ARHGAP15: variants seen among roughly 807,000 people sequenced by gnomAD.
ARHGAP15 encodes the protein Rho GTPase activating protein 15, also known as rho GTPase-activating protein 15.
Under a neutral mutation model 63.7 loss-of-function variants are expected in ARHGAP15, and 51 were observed. The observed-to-expected ratio is 0.80, with a 90% CI of 0.64 to 1.01. The LOEUF is 1.01. ARHGAP15 is among the 50% of genes least tolerant of loss of function. The probability of loss-of-function intolerance (pLI) is 0.00; values close to 1 mark genes in which losing one functional copy is unlikely to be tolerated. For missense variants in ARHGAP15, 560 were observed against 564.6 expected, an observed-to-expected ratio of 0.99 and a Z score of 0.08; for synonymous variants, 191 against 193.8, an observed-to-expected ratio of 0.99 and a Z score of 0.12.
chr2:143,344,200 G>A (rs1411627248), intron 6 of ARHGAP15: 1 of 152,090 alleles, frequency 6.6e-6, no homozygotes, highest in African/African-American at 2.4e-5. Flanking sequence ...TTGTTTGAAA[G>A]TGGTTAGCGT....
chr2:143,175,630 CA>C (rs1690983492), intron 2 of ARHGAP15, among the ~76,000 whole-genome samples: 1 of 152,164 alleles, frequency 6.6e-6, no homozygotes, highest in Non-Finnish European at 1.5e-5. Context: ...TCACCACTCT[CA>C]TTCTCAGCCA....
rs536435724 is a variant in ARHGAP15 at position 143,329,594 on chromosome 2, C to T, written c.474+78994C>T. Among the ~76,000 whole-genome samples, 40 of 152,250 alleles carry T rather than the reference C, an allele frequency of 2.6e-4. 1 individual carries two copies. The South Asian group carries it at 8.3e-3, about 32-fold the overall frequency. On this transcript the variant is annotated intron_variant, in intron 6 of 13. Transcript: ENST00000295095. ...AGGACCCAGCTCATCTGTGCACAGA[C>T]TTCTAACCCATGGAAACTGTGAAAT...
chr2:143,624,836 AAG>A (rs775883114), intron 12 of ARHGAP15, among the ~76,000 whole-genome samples: 7 of 152,142 alleles, frequency 4.6e-5, no homozygotes, highest in Non-Finnish European at 1.0e-4. Flanking sequence ...GTGACTTTAT[AAG>A]AGAGTGAGTT....
intron 13 of ARHGAP15, among the ~76,000 whole-genome samples, chr2:143,708,510 T>C (rs991806207): frequency 2.0e-5 from 3 of 152,136 alleles, no homozygotes; most frequent in Non-Finnish European, 2.9e-5. Flanking sequence ...AGTGAGACTA[T>C]TTCACATGTT....
In ARHGAP15 at chr2:143,330,129, AAACC is replaced by A. The variant is rs1558898046; in HGVS notation, c.474+79532_474+79535del. Among the ~76,000 whole-genome samples, 68 of 93,806 alleles carry A rather than the reference AAACC, an allele frequency of 7.2e-4. 8 individuals carry two copies. Among genetic ancestry groups the A allele is most frequent in the Non-Finnish European group, 8.4e-4 (38 of 45,506 alleles). The allele number at this position is 93,806 out of a possible 152,430, so 61.5% of individuals were successfully genotyped here. Reference sequence around the variant, plus strand: ...AAAAAAAAAAAAAAAAAAAAAAAAAAAACCAAAAACAAAAAACTAAACTAATGAT... The same window carrying A: ...AAAAAAAAAAAAAAAAAAAAAAAAAAAAAAACAAAAAACTAAACTAATGAT... On this transcript the variant is annotated intron_variant, in intron 6 of 13. Coordinates refer to ENST00000295095, the MANE Select transcript of ARHGAP15 (RefSeq NM_018460.4).
rs576167775 is a variant in ARHGAP15 at position 143,381,723 on chromosome 2, G to A, written c.475-53878G>A. Among the ~76,000 whole-genome samples the A allele has an allele frequency of 4.6e-5, 7 of 152,052 alleles. No individual in the cohort carries two copies. In the South Asian group the frequency reaches 1.0e-3, roughly 23 times the overall value. ...TCCTCTTGTGTCTTTTTTCCCTTGC[G>A]ATTTTTCTTGAAACTGATGTAACTC... On this transcript the variant is annotated intron_variant, in intron 6 of 13. Coordinates refer to ENST00000295095, the MANE Select transcript of ARHGAP15 (RefSeq NM_018460.4).
chr2:143,591,614 CT>C lies in ARHGAP15; in HGVS notation c.1004-32507del, dbSNP rs67060048. 3.1e-3 allele frequency among the ~76,000 whole-genome samples: 390 copies of C among 124,112 alleles called. 3 individuals carry two copies. Among genetic ancestry groups the C allele is most frequent in the African/African-American group, 0.011 (377 of 35,646 alleles). 81.4% of individuals were successfully genotyped at this position (124,112 alleles called of 152,430 possible). On this transcript the variant is annotated intron_variant, in intron 11 of 13. Transcript: ENST00000295095. ...GATAAGTTGGTTTTTTTTGTTTGTTCTTTTTTTTTTTTCTTTTTTTTTTTAG... is the reference window on the plus strand; with the variant it reads ...GATAAGTTGGTTTTTTTTGTTTGTTCTTTTTTTTTTTCTTTTTTTTTTTAG...
chr2:143,369,463 C>T (rs1440115377), intron 6 of ARHGAP15, among the ~76,000 whole-genome samples: 1 of 151,988 alleles, frequency 6.6e-6, no homozygotes, highest in African/African-American at 2.4e-5. Context: ...GATTAGAATA[C>T]CTTTTAATTA....
intron 2 of ARHGAP15, among the ~76,000 whole-genome samples, chr2:143,195,511 A>G (rs1355240164): frequency 6.6e-6 from 1 of 152,192 alleles, no homozygotes; most frequent in Non-Finnish European, 1.5e-5. Context: ...AGCTTCACTA[A>G]CTTTCCTTAA....
At chr2:143,166,241 A>T (rs1160940217) in intron 2 of ARHGAP15, among the ~76,000 whole-genome samples, 1 of 152,054 alleles carries the variant, frequency 6.6e-6, no homozygotes, top group African/African-American at 2.4e-5. Flanking sequence ...AATAGTTTAT[A>T]GATCCTAGGA....
chr2:143,539,538 C>A (rs887039215), intron 10 of ARHGAP15, among the ~76,000 whole-genome samples: 1 of 152,046 alleles, frequency 6.6e-6, no homozygotes, highest in Admixed American at 6.6e-5. Context: ...TTTCCCCCTA[C>A]GCACTGCTTT....
chr2:143,191,304 A>G (rs1319104309), intron 2 of ARHGAP15, among the ~76,000 whole-genome samples: 2 of 152,220 alleles, frequency 1.3e-5, no homozygotes, highest in Non-Finnish European at 2.9e-5. Context: ...GAAATTATGG[A>G]AGTCCACCTG....
intron 12 of ARHGAP15, among the ~76,000 whole-genome samples, chr2:143,673,090 A>G (rs2105352291): frequency 6.6e-6 from 1 of 152,326 alleles, no homozygotes; most frequent in Middle Eastern, 3.4e-3. Context: ...CCACCTGGGC[A>G]CACTTGATGC....
chr2:143,159,935 T>A (rs1349716601), intron 2 of ARHGAP15, among the ~76,000 whole-genome samples: 1 of 151,942 alleles, frequency 6.6e-6, no homozygotes, highest in African/African-American at 2.4e-5. Flanking sequence ...TCCTATTTAG[T>A]GTAAGATGTG....
intron 12 of ARHGAP15, among the ~76,000 whole-genome samples, chr2:143,662,289 C>G (rs1297735505): frequency 6.7e-6 from 1 of 150,270 alleles, no homozygotes; most frequent in South Asian, 2.1e-4. Context: ...CTGGGAGGCA[C>G]CCCCCAGCAG....
At chr2:143,212,708 T>C (rs1692606973) in intron 3 of ARHGAP15, among the ~76,000 whole-genome samples, 2 of 152,136 alleles carry the variant, frequency 1.3e-5, no homozygotes, top group South Asian at 2.1e-4. Context: ...GGAATAATTA[T>C]TAGAGAAACT....
At chr2:143,387,911 A>G (rs1687367529) in intron 6 of ARHGAP15, among the ~76,000 whole-genome samples, 1 of 149,308 alleles carries the variant, frequency 6.7e-6, no homozygotes, top group African/African-American at 2.5e-5. Context: ...GCATGCCTGC[A>G]CACACACACA....
chr2:143,603,381 G>A (rs191049752), intron 11 of ARHGAP15, among the ~76,000 whole-genome samples: 390 of 152,256 alleles, frequency 2.6e-3, no homozygotes, highest in Admixed American at 4.8e-3. Flanking sequence ...TGTCATGCTC[G>A]TGGGAAGGCA....
intron 6 of ARHGAP15, among the ~76,000 whole-genome samples, chr2:143,393,833 C>A (rs1176811315): frequency 6.6e-6 from 1 of 150,796 alleles, no homozygotes; most frequent in African/African-American, 2.4e-5. Context: ...AACAGAAACA[C>A]TTCAAATTGC....
Sources: allele counts gnomAD v4.1 joint callset (sites outside exome capture counted in the v4.1 genomes callset), GRCh38; gene constraint gnomAD v4.1.1; transcripts MANE v1.5; gene names NCBI Gene and HGNC (gene_info 2026-07-23, HGNC 2026-07-21).